Variants in RPS6KA4 observed in about 807,000 individuals in gnomAD.
The protein encoded by RPS6KA4 is ribosomal protein S6 kinase alpha-4.
A neutral mutation model predicts 89.6 loss-of-function variants in RPS6KA4; 38 were observed. The observed-to-expected ratio is 0.42, with a 90% CI of 0.33 to 0.56. RPS6KA4 has a LOEUF of 0.56. Ranked by LOEUF, RPS6KA4 falls within the 20% of genes least tolerant of loss-of-function variation. The pLI, the probability that RPS6KA4 is intolerant of heterozygous loss-of-function variation, is 0.07. For missense variants in RPS6KA4, 873 were observed against 1,098.8 expected, an observed-to-expected ratio of 0.79 and a Z score of 2.90; for synonymous variants, 495 against 492.8, an observed-to-expected ratio of 1.00 and a Z score of -0.06.
Position 64,361,809 on chromosome 11 carries a change from G to A in RPS6KA4, c.756-43G>A, listed in dbSNP as rs1431609941. On this transcript the variant is annotated intron_variant, in intron 7 of 16. Coordinates refer to ENST00000334205, the MANE Select transcript of RPS6KA4 (RefSeq NM_003942.3). The surrounding 1 kb of genome is among the most constrained non-coding windows in gnomAD (Gnocchi z 4.7). Reference sequence around the variant, plus strand: ...CAGGGCCTGCCTGGGCAGGGCTGTGGGTGGGGGGCTTGCTGCCCCTGACAC... The same window carrying A: ...CAGGGCCTGCCTGGGCAGGGCTGTGAGTGGGGGGCTTGCTGCCCCTGACAC... 1 of 1,587,014 alleles carries A rather than the reference G, an allele frequency of 6.3e-7. No homozygotes were observed. The highest frequency in any genetic ancestry group is 1.1e-5 in the South Asian group (1 of 88,142).
Position 64,371,350 on chromosome 11 carries a change from G to C in RPS6KA4, c.2189G>C (p.Arg730Pro). Reference protein sequence around the residue: ...KSVENAPLAKRRKQKLRSATA... With the variant: ...KSVENAPLAKPRKQKLRSATA... Reference sequence around the variant, plus strand: ...GTGGAGAATGCACCCCTGGCCAAGCGGCGGAAGCAGAAGCTGCGGAGCGCC... The same window carrying C: ...GTGGAGAATGCACCCCTGGCCAAGCCGCGGAAGCAGAAGCTGCGGAGCGCC... The change falls in exon 17 of 17, where the codon CGG (arginine) becomes CCG (proline). Residue 730 changes from arginine (R) to proline (P), a missense_variant. Around this residue, in one of 4 missense-constraint regions of RPS6KA4, gnomAD observed 278 missense variants for 284.8 expected, o/e 0.98. Transcript: ENST00000334205. 6.2e-7 allele frequency: 1 copy of C among 1,612,814 alleles called. No homozygotes were observed. Among genetic ancestry groups the C allele is most frequent in the South Asian group, 1.1e-5 (1 of 91,084 alleles).
At position 64,371,640 on chromosome 11, in the gene RPS6KA4, C is replaced by A; in HGVS notation, c.*160C>A. The stretch of plus-strand genomic sequence containing the variant: ...GACAGAGCAGAAGTATTTTTATAAG[C>A]AGAGAATTTTTTATGTCTTACCAGA... On this transcript the variant is annotated 3_prime_UTR_variant, in exon 17 of 17. Coordinates refer to ENST00000334205, the MANE Select transcript of RPS6KA4 (RefSeq NM_003942.3). 1 of 525,390 alleles carries A rather than the reference C, an allele frequency of 1.9e-6. No homozygotes were observed. Among genetic ancestry groups the A allele is most frequent in the Non-Finnish European group, 3.4e-6 (1 of 298,326 alleles). 32.5% of individuals were successfully genotyped at this position (525,390 alleles called of 1,614,324 possible).
intron 8 of RPS6KA4, among the ~76,000 whole-genome samples, chr11:64,363,746 T>C (rs557070605): frequency 1.3e-5 from 2 of 152,260 alleles, no homozygotes; most frequent in African/African-American, 4.8e-5. Context: ...CGCCTTAGCC[T>C]CCCAAAGTGC....
At position 64,368,620 on chromosome 11, in the gene RPS6KA4, G is replaced by A; in HGVS notation, c.1334+19G>A. The A allele has an allele frequency of 6.3e-7, 1 of 1,588,498 alleles. No homozygotes were observed. The highest frequency in any genetic ancestry group is 8.5e-7 in the Non-Finnish European group (1 of 1,170,036). ...GTCGCAGGTGGGAGGGCCCAGGCGCGGGCAGGGGTGGGGGTGGCAGAGCGC... is the reference window on the plus strand; with the variant it reads ...GTCGCAGGTGGGAGGGCCCAGGCGCAGGCAGGGGTGGGGGTGGCAGAGCGC... On this transcript the variant is annotated intron_variant, in intron 11 of 16. Coordinates refer to ENST00000334205, the MANE Select transcript of RPS6KA4 (RefSeq NM_003942.3).
intron 2 of RPS6KA4, chr11:64,359,703 G>A: frequency 1.8e-6 from 1 of 562,154 alleles, no homozygotes; most frequent in Non-Finnish European, 3.2e-6. Context: ...CTGGGGAGGG[G>A]GACTGGCGCC....
In RPS6KA4 at chr11:64,370,103, G is replaced by A; in HGVS notation, c.1798-122G>A. On this transcript the variant is annotated intron_variant, in intron 14 of 16. Transcript: ENST00000334205. The surrounding 1 kb of genome is among the most constrained non-coding windows in gnomAD (Gnocchi z 4.1). ...CGGGTATTGGGGGTTAGAAGTCAGG[G>A]TTCACCACGCGTGGGTCTCAGGAGT... The A allele has an allele frequency of 1.6e-6, 2 of 1,225,570 alleles. No homozygotes were observed. Among genetic ancestry groups the A allele is most frequent in the East Asian group, 2.6e-5 (1 of 39,084 alleles). 75.9% of individuals were successfully genotyped at this position (1,225,570 alleles called of 1,614,324 possible).
chr11:64,361,517 G>A lies in RPS6KA4; in HGVS notation c.619G>A (p.Glu207Lys). The A allele has an allele frequency of 3.1e-6, 5 of 1,613,980 alleles. No individual in the cohort carries two copies. The highest frequency in any genetic ancestry group is 1.7e-6 in the Non-Finnish European group (2 of 1,180,010). Residue 207 changes from glutamate to lysine, a missense_variant, in exon 6 of 17, where the codon GAA (glutamate) becomes AAA (lysine). Physicochemically the swap from Glu to Lys is moderately conservative, Grantham distance 56 (BLOSUM62 1). Transcript: ENST00000334205. This position sits in a 1 kb window ranked among gnomAD's most constrained non-coding sequence, Gnocchi z 4.7. ...FCGTIEYMAP[E>K]IIRSKTGHGK... is the part of the protein sequence containing the mutation. ...TGGCACCATCGAGTACATGGCCCCC[G>A]AAATCATCCGTAGCAAGACGGGGCA...
chr11:64,364,906 A>ATT (rs35498968), intron 8 of RPS6KA4, among the ~76,000 whole-genome samples: 5,829 of 132,400 alleles, frequency 0.044, 190 homozygotes, highest in Non-Finnish European at 0.066. Flanking sequence ...CGCCCAGCTA[A>ATT]TTTTTTTTTT....
rs1296698571 is a variant in RPS6KA4 at position 64,369,565 on chromosome 11, C to T, written c.1548C>T (p.Ala516=). ...AGATCCTGCGCAGCCTCGTGTCGGC[C>T]GTGAGCTTCATGCACGAGGAGGCGG... ...ASQILRSLVS[A]VSFMHEEAGV... Residue 516 remains alanine, a synonymous_variant, in exon 13 of 17, where the codon GCC becomes GCT. Coordinates refer to ENST00000334205, the MANE Select transcript of RPS6KA4 (RefSeq NM_003942.3). 8.1e-6 allele frequency: 13 copies of T among 1,607,050 alleles called. No homozygotes were observed. Among genetic ancestry groups the T allele is most frequent in the East Asian group, 2.2e-5 (1 of 44,632 alleles).
chr11:64,367,396 T>C (rs1220669148), intron 9 of RPS6KA4, among the ~76,000 whole-genome samples: 2 of 152,176 alleles, frequency 1.3e-5, no homozygotes, highest in African/African-American at 2.4e-5. Flanking sequence ...CCGCAACCTC[T>C]GCCTCCCGGG....
chr11:64,366,194 C>T (rs1258469588), intron 9 of RPS6KA4, among the ~76,000 whole-genome samples: 1 of 130,734 alleles, frequency 7.6e-6, no homozygotes, highest in Non-Finnish European at 1.6e-5. Flanking sequence ...TTTTTTGAGA[C>T]GGAGTCTCAC....
chr11:64,360,223 C>A lies in RPS6KA4; in HGVS notation c.188C>A (p.Ala63Asp). The A allele has an allele frequency of 6.5e-7, 1 of 1,548,394 alleles. No homozygotes were observed. Among genetic ancestry groups the A allele is most frequent in the Non-Finnish European group, 8.7e-7 (1 of 1,146,934 alleles). ...GGGCACGACGCGGGGAAGCTGTACG[C>A]CATGAAGGTGCTGCGCAAGGCGGCG... ...AGGHDAGKLY[A>D]MKVLRKAALV... The change falls in exon 3 of 17, where the codon GCC becomes GAC. Residue 63 changes from alanine (A) to aspartate (D), a missense_variant. Coordinates refer to ENST00000334205, the MANE Select transcript of RPS6KA4 (RefSeq NM_003942.3).
intron 2 of RPS6KA4, chr11:64,359,752 A>G: frequency 1.9e-6 from 1 of 534,098 alleles, no homozygotes; most frequent in East Asian, 3.2e-5. Context: ...CTTTCTTCCA[A>G]TATGGGATCC....
At position 64,360,387 on chromosome 11, in the gene RPS6KA4, C is replaced by T. The variant is rs771260681; in HGVS notation, c.346+6C>T. On this transcript the variant is annotated splice_donor_region_variant and intron_variant, in intron 3 of 16. Coordinates refer to ENST00000334205, the MANE Select transcript of RPS6KA4 (RefSeq NM_003942.3). ...CAAGCTGCACCTCATCCTGGGTGAG[C>T]GCACACCACATCCCAACGGGGTTGG... 25 of 1,553,050 alleles carry T rather than the reference C, an allele frequency of 1.6e-5. No individual in the cohort carries two copies. The Admixed American group carries it at 4.3e-4, about 27-fold the overall frequency.
chr11:64,369,761 G>T lies in RPS6KA4; in HGVS notation c.1665G>T (p.Ala555=), dbSNP rs1399504846. The change falls in exon 14 of 17, where the codon GCG becomes GCT. Residue 555 remains alanine, a synonymous_variant. Transcript: ENST00000334205. The part of the protein sequence containing the change: ...APVKIIDFGF[A]RLRPQSPGVP... ...TGAAAATCATCGACTTCGGGTTCGC[G>T]CGGTTGCGGCCGCAGAGTCCCGGGG... 1.2e-6 allele frequency: 2 copies of T among 1,611,674 alleles called. No individual in the cohort carries two copies. Among genetic ancestry groups the T allele is most frequent in the African/African-American group, 2.7e-5 (2 of 74,914 alleles).
At chr11:64,362,725 C>T (rs908895428) in intron 8 of RPS6KA4, among the ~76,000 whole-genome samples, 2 of 152,234 alleles carry the variant, frequency 1.3e-5, no homozygotes, top group Non-Finnish European at 2.9e-5. Context: ...GGCTGGAGTG[C>T]AGTGGCACGA....
At chr11:64,363,895 C>T (rs778277115) in intron 8 of RPS6KA4, among the ~76,000 whole-genome samples, 2 of 152,056 alleles carry the variant, frequency 1.3e-5, no homozygotes, top group East Asian at 1.9e-4. Flanking sequence ...TTGGCTACAT[C>T]GACAAAAAGT....
At chr11:64,365,208 C>A in intron 8 of RPS6KA4, 93 bp from the exon 9 acceptor site, 1 of 1,461,354 alleles carries the variant, frequency 6.8e-7, no homozygotes. Context: ...GGGCCCTTGC[C>A]TCATGGAGGA....
chr11:64,368,817 G>T lies in RPS6KA4; in HGVS notation c.1428+20G>T. ...GACCAGGTGATGGCTTCCGGCCAGG[G>T]GAGGGCGGAGAGAAAAGGGGCAGGC... On this transcript the variant is annotated intron_variant, in intron 12 of 16. Transcript: ENST00000334205. The T allele has an allele frequency of 6.4e-7, 1 of 1,551,258 alleles. No homozygotes were observed. The highest frequency in any genetic ancestry group is 2.4e-5 in the East Asian group (1 of 41,440).
Sources: gnomAD v4.1 joint callset for allele counts (sites outside exome capture counted in the v4.1 genomes callset) on GRCh38, gnomAD v4.1.1 for gene constraint, gnomAD v4.1.1 regional missense constraint, Gnocchi (gnomAD v3.1) non-coding constraint, MANE v1.5 for transcripts, NCBI Gene and HGNC (gene_info 2026-07-23, HGNC 2026-07-21) for gene names.